The following CD58 variants were observed in gnomAD, a reference collection of about 807,000 sequenced individuals.
The protein encoded by CD58 is CD58 molecule.
Under a neutral mutation model 27.6 loss-of-function variants are expected in CD58, and 14 were observed. The ratio of observed to expected loss-of-function variants is 0.51; its 90% CI spans 0.34 to 0.79. The LOEUF is 0.79. Ranked by LOEUF, CD58 falls within the 30% of genes least tolerant of loss-of-function variation. The pLI is 0.02. For missense variants in CD58, 268 were observed against 301.7 expected (o/e 0.89, Z 0.83); for synonymous variants, 117 against 103.8 (o/e 1.13, Z -0.77).
Position 116,517,751 on chromosome 1 carries a change from A to C in CD58, c.743+1480T>G, listed in dbSNP as rs1193984577. Reference sequence around the variant, plus strand: ...AGTGACCTCAGGTGCTCACGGCATCAATTACTGTCCAGATGAAGAGGCGCC... The same window carrying C: ...AGTGACCTCAGGTGCTCACGGCATCCATTACTGTCCAGATGAAGAGGCGCC... On this transcript the variant is annotated intron_variant, in intron 5 of 5. Transcript: ENST00000369489. The surrounding 1 kb of genome is among the most constrained non-coding windows in gnomAD (Gnocchi z 6.5). Among the ~76,000 whole-genome samples, 1 of 152,078 alleles carries C rather than the reference A, an allele frequency of 6.6e-6. No homozygotes were observed. The highest frequency in any genetic ancestry group is 1.5e-5 in the Non-Finnish European group (1 of 68,012).
chr1:116,531,771 C>G lies in CD58; in HGVS notation c.628+4194G>C, dbSNP rs1042944382. Among the ~76,000 whole-genome samples, 2 of 152,084 alleles carry G rather than the reference C, an allele frequency of 1.3e-5. No individual in the cohort carries two copies. The highest frequency in any genetic ancestry group is 4.8e-5 in the African/African-American group (2 of 41,398). ...TCTTTTTTTTCTCCGTGTTTCATAACTTTAATAGAATATTCTAACTATTAT... is the reference window on the plus strand; with the variant it reads ...TCTTTTTTTTCTCCGTGTTTCATAAGTTTAATAGAATATTCTAACTATTAT... On this transcript the variant is annotated intron_variant, in intron 3 of 5. Coordinates refer to ENST00000369489, the MANE Select transcript of CD58 (RefSeq NM_001779.3). The surrounding 1 kb of genome is among the most constrained non-coding windows in gnomAD (Gnocchi z 4.5).
intron 2 of CD58, among the ~76,000 whole-genome samples, chr1:116,540,596 A>C (rs1657958183): frequency 6.6e-6 from 1 of 152,168 alleles, no homozygotes; most frequent in African/African-American, 2.4e-5. Flanking sequence ...AGTATAGGAC[A>C]CAATGGCTCC....
intron 3 of CD58, chr1:116,533,583 A>G (rs1352420183): frequency 1.4e-6 from 1 of 709,548 alleles, no homozygotes; most frequent in East Asian, 3.0e-5. Context: ...GCATATCTAC[A>G]TTTCTAAAGA....
At chr1:116,553,989 T>G (rs528479878) in intron 1 of CD58, among the ~76,000 whole-genome samples, 1 of 152,112 alleles carries the variant, frequency 6.6e-6, no homozygotes, top group African/African-American at 2.4e-5. Context: ...ATTACTCAGA[T>G]AGTAGGAAAA....
At chr1:116,562,992 G>A (rs188770654) in intron 1 of CD58, among the ~76,000 whole-genome samples, 15 of 152,222 alleles carry the variant, frequency 9.9e-5, no homozygotes, top group Admixed American at 3.9e-4. Flanking sequence ...AAGTCTCATC[G>A]GAGATAAGGC....
rs1455425657 is a variant in CD58 at position 116,535,566 on chromosome 1, G to C, written c.628+399C>G. Reference sequence around the variant, plus strand: ...TTAAAAATTGTAACTTGTTGGCCGGGCGCGGTGGCTCACGCCTGTAATCCC... The same window carrying C: ...TTAAAAATTGTAACTTGTTGGCCGGCCGCGGTGGCTCACGCCTGTAATCCC... On this transcript the variant is annotated intron_variant, in intron 3 of 5. Coordinates refer to ENST00000369489, the MANE Select transcript of CD58 (RefSeq NM_001779.3). 4.1e-5 allele frequency among the ~76,000 whole-genome samples: 4 copies of C among 98,242 alleles called. 2 individuals carry two copies. The East Asian group carries it at 4.2e-3, about 102-fold the overall frequency. 64.5% of individuals were successfully genotyped at this position (98,242 alleles called of 152,430 possible).
intron 2 of CD58, among the ~76,000 whole-genome samples, chr1:116,540,727 G>C (rs1273909519): frequency 5.3e-5 from 8 of 152,130 alleles, no homozygotes; most frequent in South Asian, 2.1e-4. Flanking sequence ...TCCTCTGCAG[G>C]CTTCCTAAGG....
At position 116,532,877 on chromosome 1, in the gene CD58, C is replaced by T; in HGVS notation, c.628+3088G>A. 1 of 702,330 alleles carries T rather than the reference C, an allele frequency of 1.4e-6. No individual in the cohort carries two copies. The highest frequency in any genetic ancestry group is 2.5e-6 in the Non-Finnish European group (1 of 401,668). The allele number at this position is 702,330 out of a possible 1,614,324, so 43.5% of individuals were successfully genotyped here. A position where few individuals can be genotyped will look rare whatever the true frequency, so the allele number is the denominator to read the frequency against. On this transcript the variant is annotated intron_variant, in intron 3 of 5. Transcript: ENST00000369489. The surrounding 1 kb of genome is among the most constrained non-coding windows in gnomAD (Gnocchi z 5.1). ...GTGCCGCATGCGGCAAAGACTGAGG[C>T]CTCCCGCTACAGGCCCGGAGTCGCG... is the stretch of plus-strand genomic sequence containing the variant.
Position 116,523,181 on chromosome 1 carries a change from T to TA in CD58, c.629-1199dup, listed in dbSNP as rs1292383142. 3.9e-5 allele frequency among the ~76,000 whole-genome samples: 6 copies of TA among 152,198 alleles called. No homozygotes were observed. The highest frequency in any genetic ancestry group is 1.4e-4 in the African/African-American group (6 of 41,448). On this transcript the variant is annotated intron_variant, in intron 3 of 5. Transcript: ENST00000369489. The surrounding 1 kb of genome is among the most constrained non-coding windows in gnomAD (Gnocchi z 4.4). The stretch of plus-strand genomic sequence containing the variant: ...GGCACAAAGATATTTACTGCAGCCT[T>TA]ACTTAATATACCATAAGGCAAAAAC...
chr1:116,544,397 T>C lies in CD58; in HGVS notation c.278A>G (p.Tyr93Cys), dbSNP rs202054641. ...ATCTTCATCTGATGATGTTAAGTTG[T>C]AGATAGTGAGGCTACCTGACACAGT... is the stretch of plus-strand genomic sequence containing the variant. ...LDTVSGSLTI[Y>C]NLTSSDEDEY... Residue 93 changes from tyrosine (Y) to cysteine (C), a missense_variant, in exon 2 of 6, where the codon TAC becomes TGC. By Grantham distance (194) the Tyr-to-Cys change is radical. Transcript: ENST00000369489. 4.7e-5 allele frequency: 75 copies of C among 1,612,622 alleles called. No homozygotes were observed. In the East Asian group the frequency reaches 1.6e-3, roughly 35 times the overall value.
At chr1:116,560,273 G>C (rs943085755) in intron 1 of CD58, among the ~76,000 whole-genome samples, 1 of 152,050 alleles carries the variant, frequency 6.6e-6, no homozygotes, top group African/African-American at 2.4e-5. Context: ...ATTTGTCTTT[G>C]ACTGTTCTCA....
chr1:116,537,624 C>T (rs948195802), intron 2 of CD58, among the ~76,000 whole-genome samples: 8 of 152,210 alleles, frequency 5.3e-5, no homozygotes, highest in African/African-American at 1.9e-4. Flanking sequence ...TTGGCTAAGG[C>T]AGCATGGACC....
chr1:116,549,291 G>A (rs2101199329), intron 1 of CD58, among the ~76,000 whole-genome samples: 1 of 152,252 alleles, frequency 6.6e-6, no homozygotes, highest in African/African-American at 2.4e-5. Context: ...CATTTACTTA[G>A]GGAACTAACA....
At chr1:116,549,384 A>G (rs1222926740) in intron 1 of CD58, among the ~76,000 whole-genome samples, 3 of 152,216 alleles carry the variant, frequency 2.0e-5, no homozygotes, top group Admixed American at 6.5e-5. Flanking sequence ...AGAGCAGGGC[A>G]GGTCCCCATT....
At chr1:116,545,530 G>A (rs1262614166) in intron 1 of CD58, among the ~76,000 whole-genome samples, 1 of 152,180 alleles carries the variant, frequency 6.6e-6, no homozygotes, top group African/African-American at 2.4e-5. Flanking sequence ...GAGGGTGGGG[G>A]AAGTGGATGG....
intron 1 of CD58, among the ~76,000 whole-genome samples, chr1:116,562,999 A>C (rs1485275518): frequency 6.6e-6 from 1 of 152,220 alleles, no homozygotes; most frequent in Non-Finnish European, 1.5e-5. Context: ...ATCGGAGATA[A>C]GGCAAGTACC....
At chr1:116,549,535 A>G (rs779548521) in intron 1 of CD58, among the ~76,000 whole-genome samples, 2 of 152,256 alleles carry the variant, frequency 1.3e-5, no homozygotes, top group Non-Finnish European at 2.9e-5. Context: ...AGAAAGCCAT[A>G]GAAGAGTTTC....
At chr1:116,547,223 T>G (rs1557840032) in intron 1 of CD58, among the ~76,000 whole-genome samples, 1 of 152,126 alleles carries the variant, frequency 6.6e-6, no homozygotes, top group Non-Finnish European at 1.5e-5. Context: ...CTCCCACTTG[T>G]AAGTTAGAAC....
At position 116,570,846 on chromosome 1, in the gene CD58, G is replaced by T. The variant is rs2101246263; in HGVS notation, c.70+57C>A. On this transcript the variant is annotated intron_variant, in intron 1 of 5. Transcript: ENST00000369489. This position sits in a 1 kb window ranked among gnomAD's most constrained non-coding sequence, Gnocchi z 6.4. ...CGAGCCCGGCGCGTCCACCCAGCCT[G>T]GGTGCTGCCCAGTACCCGCCGGCCG... 2 of 1,405,514 alleles carry T rather than the reference G, an allele frequency of 1.4e-6. No individual in the cohort carries two copies. Among genetic ancestry groups the T allele is most frequent in the South Asian group, 1.3e-5 (1 of 79,242 alleles). The allele number at this position is 1,405,514 out of a possible 1,614,324, so 87.1% of individuals were successfully genotyped here. A position where few individuals can be genotyped will look rare whatever the true frequency, so the allele number is the denominator to read the frequency against.
Sources: gnomAD v4.1 joint callset for allele counts (sites outside exome capture counted in the v4.1 genomes callset) on GRCh38, gnomAD v4.1.1 for gene constraint, Gnocchi (gnomAD v3.1) non-coding constraint, MANE v1.5 for transcripts, NCBI Gene and HGNC (gene_info 2026-07-23, HGNC 2026-07-21) for gene names.